The following VPS53 variants were observed in gnomAD, a reference collection of about 807,000 sequenced individuals.
The protein encoded by VPS53 is VPS53 subunit of GARP complex.
A neutral mutation model predicts 107.0 loss-of-function variants in VPS53; 70 were observed. That is an observed-to-expected ratio of 0.65 (90% CI 0.54 to 0.80). The LOEUF (loss-of-function observed/expected upper bound fraction) is 0.80, where lower values mean the gene tolerates loss of function less well. Ranked by LOEUF, VPS53 falls within the 30% of genes least tolerant of loss-of-function variation. VPS53 has a pLI of 0.00. For synonymous variants in VPS53, 409 were observed against 393.3 expected, an observed-to-expected ratio of 1.04 and a Z score of -0.47; for missense variants, 917 against 1,049.4, an observed-to-expected ratio of 0.87 and a Z score of 1.74.
rs533827190 is a variant in VPS53 at position 560,288 on chromosome 17, T to C, written c.1704+138A>G. ...GCAGCCTTATGGCTGGACACTGAGCTTTCCTCTGTGGCAGGCCAACTGGTC... is the reference window on the plus strand; with the variant it reads ...GCAGCCTTATGGCTGGACACTGAGCCTTCCTCTGTGGCAGGCCAACTGGTC... On this transcript the variant is annotated intron_variant, in intron 15 of 21. Coordinates refer to ENST00000437048, the MANE Select transcript of VPS53 (RefSeq NM_001128159.3). 1.5e-5 allele frequency: 17 copies of C among 1,159,922 alleles called. No individual in the cohort carries two copies. The South Asian group carries it at 2.6e-4, about 18-fold the overall frequency. 71.9% of individuals were successfully genotyped at this position (1,159,922 alleles called of 1,614,324 possible). A position where few individuals can be genotyped will look rare whatever the true frequency, so the allele number is the denominator to read the frequency against.
At chr17:617,840 T>G (rs1597387529) in intron 11 of VPS53, among the ~76,000 whole-genome samples, 1 of 81,056 alleles carries the variant, frequency 1.2e-5, no homozygotes, top group African/African-American at 5.2e-5. Flanking sequence ...TAGCTGGGAC[T>G]ACAGGCGTGC....
At chr17:547,473 G>A (rs946628595) in intron 17 of VPS53, among the ~76,000 whole-genome samples, 1 of 152,140 alleles carries the variant, frequency 6.6e-6, no homozygotes, top group Non-Finnish European at 1.5e-5. Flanking sequence ...GTCAGGAGGG[G>A]CAAATCTATA....
chr17:674,352 C>A (rs532824122), intron 4 of VPS53: 2 of 152,184 alleles, frequency 1.3e-5, no homozygotes, highest in Non-Finnish European at 2.9e-5. Context: ...TCATTTTAGT[C>A]ACTTCATAAC....
intron 11 of VPS53, among the ~76,000 whole-genome samples, chr17:615,415 AGCTG>A (rs1969091675): frequency 6.6e-6 from 1 of 152,132 alleles, no homozygotes; most frequent in Non-Finnish European, 1.5e-5. Context: ...CTTCCGGGCG[AGCTG>A]GCCACACTCT....
intron 13 of VPS53, among the ~76,000 whole-genome samples, chr17:585,592 T>A (rs1291210214): frequency 2.0e-5 from 3 of 152,038 alleles, no homozygotes; most frequent in African/African-American, 7.2e-5. Flanking sequence ...CAGTAAGTCA[T>A]AATCTCACCA....
chr17:712,478 C>T (rs888659741), intron 1 of VPS53, among the ~76,000 whole-genome samples: 1 of 152,088 alleles, frequency 6.6e-6, no homozygotes, highest in Non-Finnish European at 1.5e-5. Context: ...CGAGCCCAGC[C>T]AATTTTCACC....
intron 5 of VPS53, among the ~76,000 whole-genome samples, chr17:661,500 G>A (rs1259513735): frequency 4.5e-5 from 6 of 132,138 alleles, no homozygotes; most frequent in South Asian, 5.0e-4. Flanking sequence ...CAAGGCTGGC[G>A]ACAGAGCAAG....
chr17:623,535 G>C lies in VPS53; in HGVS notation c.1114C>G (p.Leu372Val), dbSNP rs749177044. 12 of 1,611,576 alleles carry C rather than the reference G, an allele frequency of 7.4e-6. No individual in the cohort carries two copies. Among genetic ancestry groups the C allele is most frequent in the South Asian group, 1.1e-5 (1 of 90,868 alleles). Residue 372 changes from leucine to valine, a missense_variant and splice_region_variant, in exon 11 of 22, where the codon CTG becomes GTG. By Grantham distance (32) the Leu-to-Val change is conservative. Transcript: ENST00000437048. ...FSGCTLTDGT[L>V]KKLESPPPST... is the part of the protein sequence containing the mutation. Reference sequence around the variant, plus strand: ...CAGCTCCCTAGGGAAGGTCTTACCAGGGTCCCATCGGTCAGGGTGCAGCCG... The same window carrying C: ...CAGCTCCCTAGGGAAGGTCTTACCACGGTCCCATCGGTCAGGGTGCAGCCG...
At chr17:532,966 T>A in intron 18 of VPS53, 55 bp from the exon 19 acceptor site, 2 of 1,580,720 alleles carry the variant, frequency 1.3e-6, no homozygotes, top group Admixed American at 3.6e-5. Context: ...AGGAAAGAAA[T>A]GCAAAAACTT....
chr17:641,454 T>C (rs1003240665), intron 7 of VPS53, among the ~76,000 whole-genome samples: 3 of 152,218 alleles, frequency 2.0e-5, no homozygotes, highest in African/African-American at 7.2e-5. Flanking sequence ...AGCACATATA[T>C]GTGCCAAACT....
rs1374378448 is a variant in VPS53 at position 653,484 on chromosome 17, G to A, written c.489-74C>T. ...AAGATACAGACACAGAACAACCCAC[G>A]CTAGCTCTCAAACAGATATCAACTC... On this transcript the variant is annotated intron_variant, in intron 6 of 21. Transcript: ENST00000437048. 34 of 1,598,920 alleles carry A rather than the reference G, an allele frequency of 2.1e-5. No homozygotes were observed. In the East Asian group the frequency reaches 2.2e-4, roughly 11 times the overall value.
intron 19 of VPS53, among the ~76,000 whole-genome samples, chr17:528,022 T>A (rs746396524): frequency 2.6e-5 from 4 of 152,256 alleles, no homozygotes; most frequent in Non-Finnish European, 4.4e-5. Flanking sequence ...TATTGTCTTA[T>A]ATTAAATCTT....
intron 12 of VPS53, among the ~76,000 whole-genome samples, chr17:596,891 G>A (rs2143005525): frequency 6.6e-6 from 1 of 152,284 alleles, no homozygotes; most frequent in Admixed American, 6.5e-5. Flanking sequence ...GGAGTTTGGT[G>A]GAATAATAAA....
intron 15 of VPS53, among the ~76,000 whole-genome samples, chr17:559,526 C>A (rs993730199): frequency 6.6e-6 from 1 of 152,222 alleles, no homozygotes; most frequent in Non-Finnish European, 1.5e-5. Context: ...TCAACATGAC[C>A]AGGTCCCCAG....
intron 4 of VPS53, among the ~76,000 whole-genome samples, chr17:687,540 C>T (rs933216600): frequency 2.0e-5 from 3 of 150,750 alleles, no homozygotes; most frequent in African/African-American, 7.3e-5. Context: ...CGCACCAATG[C>T]ACTCCAGCCT....
intron 11 of VPS53, among the ~76,000 whole-genome samples, chr17:617,801 G>A (rs1215025314): frequency 2.2e-4 from 27 of 120,736 alleles, no homozygotes; most frequent in South Asian, 8.8e-4. Flanking sequence ...ACAGGCGTGC[G>A]CCACCACGCC....
rs576623437 is a variant in VPS53, at chr17:546,988, T to C, written c.1866+4884A>G. On this transcript the variant is annotated intron_variant, in intron 17 of 21. Transcript: ENST00000437048. ...CTCCCAGGTTCAAGCCATTCTCCTGTCTCAGCCTCCCAAGTAGCTGGGATT... is the reference window on the plus strand; with the variant it reads ...CTCCCAGGTTCAAGCCATTCTCCTGCCTCAGCCTCCCAAGTAGCTGGGATT... Among the ~76,000 whole-genome samples the C allele has an allele frequency of 6.6e-5, 10 of 151,302 alleles. No homozygotes were observed. The East Asian group carries it at 1.6e-3, about 24-fold the overall frequency.
chr17:705,848 G>A (rs1973379890), intron 2 of VPS53: 1 of 152,394 alleles, frequency 6.6e-6, no homozygotes, highest in Non-Finnish European at 1.5e-5. Flanking sequence ...AGGTTGCAGT[G>A]AGCTATGATT....
Position 655,166 on chromosome 17 carries a change from G to A in VPS53, c.488+672C>T, listed in dbSNP as rs142633430. Among the ~76,000 whole-genome samples the A allele has an allele frequency of 9.6e-4, 146 of 152,288 alleles. 1 individual carries two copies. The highest frequency in any genetic ancestry group is 3.3e-3 in the African/African-American group (136 of 41,560). On this transcript the variant is annotated intron_variant, in intron 6 of 21. Coordinates refer to ENST00000437048, the MANE Select transcript of VPS53 (RefSeq NM_001128159.3). Reference sequence around the variant, plus strand: ...GCAGGGGGAGTCCCCAGCCTGAGACGGGCCACAGAGGTGAGCTGGAGTGTC... The same window carrying A: ...GCAGGGGGAGTCCCCAGCCTGAGACAGGCCACAGAGGTGAGCTGGAGTGTC...
Sources: gnomAD v4.1 joint callset for allele counts (sites outside exome capture counted in the v4.1 genomes callset) on GRCh38, gnomAD v4.1.1 for gene constraint, MANE v1.5 for transcripts, NCBI Gene and HGNC (gene_info 2026-07-23, HGNC 2026-07-21) for gene names.